GABRB1: variants seen among roughly 807,000 people sequenced by gnomAD.
GABRB1 encodes the protein gamma-aminobutyric acid type A receptor subunit beta1.
A neutral mutation model predicts 51.6 loss-of-function variants in GABRB1; 17 were observed. That is an observed-to-expected ratio of 0.33 (90% CI 0.23 to 0.49). The LOEUF (loss-of-function observed/expected upper bound fraction) is 0.49, where lower values mean the gene tolerates loss of function less well. Ranked by LOEUF, GABRB1 falls within the 20% of genes least tolerant of loss-of-function variation. The pLI, the probability that GABRB1 is intolerant of heterozygous loss-of-function variation, is 0.99. For missense variants in GABRB1, 410 were observed against 600.6 expected, an observed-to-expected ratio of 0.68 and a Z score of 3.32; for synonymous variants, 247 against 218.9, an observed-to-expected ratio of 1.13 and a Z score of -1.14.
chr4:47,125,998 TTG>T (rs1254535899), intron 3 of GABRB1, among the ~76,000 whole-genome samples: 11 of 151,006 alleles, frequency 7.3e-5, no homozygotes, highest in Non-Finnish European at 4.4e-5. Context: ...TAATATTGCA[TTG>T]TGTCTATATA....
intron 8 of GABRB1, among the ~76,000 whole-genome samples, chr4:47,419,344 A>G (rs1171936561): frequency 6.6e-6 from 1 of 152,172 alleles, no homozygotes; most frequent in Admixed American, 6.5e-5. Context: ...GAGCCCCTCT[A>G]AGACTTGTCT....
rs1160512931 is a variant in GABRB1 at position 47,246,277 on chromosome 4, C to CATATATATATAT, written c.462-73838_462-73827dup. On this transcript the variant is annotated intron_variant, in intron 4 of 8. Coordinates refer to ENST00000295454, the MANE Select transcript of GABRB1 (RefSeq NM_000812.4). ...TTCTCAGGGCTGAGTAGTATTCCAT[C>CATATATATATAT]ATATATATATATATATATATATACA... Among the ~76,000 whole-genome samples, 64 of 72,742 alleles carry CATATATATATAT rather than the reference C, an allele frequency of 8.8e-4. 2 individuals are homozygous for CATATATATATAT. The highest frequency in any genetic ancestry group is 2.5e-3 in the Admixed American group (15 of 6,014). The allele number at this position is 72,742 out of a possible 152,430, so 47.7% of individuals were successfully genotyped here.
intron 8 of GABRB1, 88 bp downstream of exon 8, chr4:47,407,014 T>C: frequency 2.4e-6 from 3 of 1,270,758 alleles, no homozygotes; most frequent in South Asian, 1.5e-5. Context: ...AAACGATTAA[T>C]AAAAAAATAG....
chr4:47,352,593 G>C (rs1726394222), intron 5 of GABRB1, among the ~76,000 whole-genome samples: 1 of 152,148 alleles, frequency 6.6e-6, no homozygotes. Flanking sequence ...TCATCCCTGG[G>C]ATGCAAGGCT....
chr4:47,143,030 T>G (rs1716998842), intron 3 of GABRB1, among the ~76,000 whole-genome samples: 1 of 151,900 alleles, frequency 6.6e-6, no homozygotes. Flanking sequence ...TGTGGATATA[T>G]TTTTCATTAT....
chr4:47,227,502 TTAGA>T (rs1300119558), intron 4 of GABRB1, among the ~76,000 whole-genome samples: 4 of 152,100 alleles, frequency 2.6e-5, no homozygotes, highest in Non-Finnish European at 5.9e-5. Context: ...GGAGGAAGAA[TTAGA>T]TAGAGAATCT....
At chr4:47,359,536 C>T (rs1450814050) in intron 5 of GABRB1, among the ~76,000 whole-genome samples, 1 of 152,004 alleles carries the variant, frequency 6.6e-6, no homozygotes, top group Non-Finnish European at 1.5e-5. Context: ...AAAAAAATGA[C>T]CCAAAGTGAG....
intron 3 of GABRB1, among the ~76,000 whole-genome samples, chr4:47,147,471 A>G (rs1717222606): frequency 6.6e-6 from 1 of 152,110 alleles, no homozygotes; most frequent in South Asian, 2.1e-4. Context: ...TTGGGCATCC[A>G]CTAGACGGCA....
intron 3 of GABRB1, among the ~76,000 whole-genome samples, chr4:47,099,229 G>T (rs2032319474): frequency 6.6e-6 from 1 of 152,052 alleles, no homozygotes; most frequent in African/African-American, 2.4e-5. Flanking sequence ...ACATCAAGAC[G>T]GCAAAGAGTC....
chr4:47,104,982 C>A (rs1193774851), intron 3 of GABRB1, among the ~76,000 whole-genome samples: 1 of 151,718 alleles, frequency 6.6e-6, no homozygotes, highest in Non-Finnish European at 1.5e-5. Flanking sequence ...TTATTTTTTG[C>A]TTCTTTGTGC....
chr4:47,410,627 C>T (rs1728731072), intron 8 of GABRB1, among the ~76,000 whole-genome samples: 1 of 152,146 alleles, frequency 6.6e-6, no homozygotes, highest in African/African-American at 2.4e-5. Context: ...TAAACTTCCC[C>T]AGCTTGATCC....
chr4:47,423,576 C>T (rs1729160407), intron 8 of GABRB1, among the ~76,000 whole-genome samples: 1 of 152,176 alleles, frequency 6.6e-6, no homozygotes, highest in African/African-American at 2.4e-5. Flanking sequence ...AGTAAGCACT[C>T]AATAAATGTT....
chr4:47,391,153 G>A (rs1727977346), intron 5 of GABRB1, among the ~76,000 whole-genome samples: 3 of 152,078 alleles, frequency 2.0e-5, no homozygotes, highest in Admixed American at 2.0e-4. Context: ...TCCAGCCTGG[G>A]CAAAAGAGCA....
intron 3 of GABRB1, among the ~76,000 whole-genome samples, chr4:47,043,722 C>A (rs947161425): frequency 6.6e-6 from 1 of 152,012 alleles, no homozygotes; most frequent in South Asian, 2.1e-4. Flanking sequence ...AATATGGGAC[C>A]CTATCTGTAC....
At chr4:47,087,310 T>C (rs1728119307) in intron 3 of GABRB1, among the ~76,000 whole-genome samples, 1 of 152,104 alleles carries the variant, frequency 6.6e-6, no homozygotes, top group Admixed American at 6.5e-5. Flanking sequence ...TAACCGTGAA[T>C]TATATTTGGT....
At chr4:47,299,894 G>A (rs1249375509) in intron 4 of GABRB1, among the ~76,000 whole-genome samples, 5 of 151,762 alleles carry the variant, frequency 3.3e-5, no homozygotes, top group African/African-American at 9.7e-5. Flanking sequence ...TATACACCAC[G>A]GAATACTATG....
intron 3 of GABRB1, among the ~76,000 whole-genome samples, chr4:47,134,894 A>T (rs531860073): frequency 5.9e-5 from 9 of 152,316 alleles, no homozygotes; most frequent in African/African-American, 1.9e-4. Flanking sequence ...AGGTGGGAGG[A>T]TCACTTAGAG....
chr4:47,017,690 T>C (rs1397144931), intron 1 of GABRB1, among the ~76,000 whole-genome samples: 1 of 152,050 alleles, frequency 6.6e-6, no homozygotes, highest in Non-Finnish European at 1.5e-5. Context: ...ATCTCTGAAA[T>C]ATTGTCAAGA....
chr4:47,090,550 T>C (rs1231434755), intron 3 of GABRB1, among the ~76,000 whole-genome samples: 1 of 152,218 alleles, frequency 6.6e-6, no homozygotes, highest in African/African-American at 2.4e-5. Context: ...TAGAATCTTT[T>C]AGAACAATTA....
Sources: allele counts gnomAD v4.1 joint callset (sites outside exome capture counted in the v4.1 genomes callset), GRCh38; gene constraint gnomAD v4.1.1; transcripts MANE v1.5; gene names NCBI Gene and HGNC (gene_info 2026-07-23, HGNC 2026-07-21).